ADGRE5: variants seen among roughly 807,000 people sequenced by gnomAD.
ADGRE5 encodes the protein CD97 molecule.
In ADGRE5, 72 loss-of-function variants were observed where a neutral mutation model predicts 100.3. The ratio of observed to expected loss-of-function variants is 0.72; its 90% CI spans 0.59 to 0.87. ADGRE5 has a LOEUF of 0.87. Ranked by LOEUF, ADGRE5 falls within the 40% of genes least tolerant of loss-of-function variation. The probability of loss-of-function intolerance (pLI) is 0.00; values close to 1 mark genes in which losing one functional copy is unlikely to be tolerated. For missense variants in ADGRE5, 959 were observed against 1,094.7 expected (o/e 0.88, Z 1.75); for synonymous variants, 439 against 447.8 (o/e 0.98, Z 0.25).
intron 3 of ADGRE5, 30 bp from the exon 4 acceptor site, chr19:14,390,894 G>A (rs758868261): frequency 3.7e-6 from 6 of 1,608,426 alleles, no homozygotes; most frequent in Non-Finnish European, 5.1e-6. Context: ...ACATCTTTGG[G>A]AGGTGACTCC....
intron 9 of ADGRE5, among the ~76,000 whole-genome samples, chr19:14,399,257 T>C (rs1242219703): frequency 6.6e-6 from 1 of 151,664 alleles, no homozygotes; most frequent in East Asian, 1.9e-4. Flanking sequence ...TGACACATGA[T>C]AAGCCTTATA....
chr19:14,385,832 G>A (rs558001238), intron 1 of ADGRE5, among the ~76,000 whole-genome samples: 8 of 150,974 alleles, frequency 5.3e-5, no homozygotes, highest in East Asian at 2.0e-4. Flanking sequence ...GTGCAGTGGC[G>A]TGATCTTGGC....
chr19:14,389,364 GGAGGGAGAC>G (rs1975508571), intron 3 of ADGRE5, among the ~76,000 whole-genome samples: 1 of 87,942 alleles, frequency 1.1e-5, no homozygotes, highest in Non-Finnish European at 2.2e-5. Context: ...AGGGGGATGA[GGAGGGAGAC>G]GGGGAAGGGG....
Position 14,408,076 on chromosome 19 carries a change from G to A in ADGRE5, c.2479-16G>A. ...CAGGGCTAGCGGGGCTCAGGCCTCT[G>A]GGCTCTCCTCTCCAGGCCCTCAGGG... On this transcript the variant is annotated splice_polypyrimidine_tract_variant and intron_variant, in intron 19 of 19. Coordinates refer to ENST00000242786, the MANE Select transcript of ADGRE5 (RefSeq NM_078481.4). 6.2e-7 allele frequency: 1 copy of A among 1,614,028 alleles called. No individual in the cohort carries two copies. The highest frequency in any genetic ancestry group is 8.5e-7 in the Non-Finnish European group (1 of 1,180,008).
chr19:14,387,007 T>A (rs1975381791), intron 1 of ADGRE5, among the ~76,000 whole-genome samples: 1 of 151,690 alleles, frequency 6.6e-6, no homozygotes, highest in Non-Finnish European at 1.5e-5. Flanking sequence ...AGAGAGAGAC[T>A]CTGTCTCAGA....
In ADGRE5 at chr19:14,402,598, C is replaced by T; in HGVS notation, c.1185C>T (p.Gly395=). 2 of 1,613,916 alleles carry T rather than the reference C, an allele frequency of 1.2e-6. No individual in the cohort carries two copies. Among genetic ancestry groups the T allele is most frequent in the Non-Finnish European group, 1.7e-6 (2 of 1,179,896 alleles). Residue 395 remains glycine (G), a splice_region_variant and synonymous_variant, in exon 12 of 20, where the codon GGC becomes GGT. Coordinates refer to ENST00000242786, the MANE Select transcript of ADGRE5 (RefSeq NM_078481.4). ...GCAGCGAGTGTGTCTGTTCCCCAGG[C>T]CCCGCCGTGGCGGGCATCCTCTCCA... ...WAVAAGAEDP[G]PAVAGILSIQ...
Position 14,402,752 on chromosome 19 carries a change from T to A in ADGRE5, c.1339T>A (p.Ser447Thr), listed in dbSNP as rs1377471964. 2.5e-6 allele frequency: 4 copies of A among 1,613,940 alleles called. No individual in the cohort carries two copies. The highest frequency in any genetic ancestry group is 3.4e-6 in the Non-Finnish European group (4 of 1,180,038). The change falls in exon 12 of 20, where the codon TCC (serine) becomes ACC (threonine). Residue 447 changes from serine (S) to threonine (T), a missense_variant. Physicochemically the swap from Ser to Thr is moderately conservative, Grantham distance 58. Transcript: ENST00000242786. ...VQLRRLSAVN[S>T]IFLSHNNTKE... ...ACTCAGACGCCTCTCTGCCGTCAAC[T>A]CCATCTTTCTGAGCCACAACAACAC...
At chr19:14,383,416 A>T (rs1975229873) in intron 1 of ADGRE5, among the ~76,000 whole-genome samples, 1 of 148,368 alleles carries the variant, frequency 6.7e-6, no homozygotes, top group Non-Finnish European at 1.5e-5. Context: ...GAGGTAGGAG[A>T]GTCTCTTGAA....
At chr19:14,393,128 G>A (rs1327468318) in intron 4 of ADGRE5, among the ~76,000 whole-genome samples, 4 of 151,094 alleles carry the variant, frequency 2.6e-5, no homozygotes, top group African/African-American at 9.7e-5. Context: ...GTGAACCCGG[G>A]AGGCGGAGGT....
At chr19:14,403,864 C>CTTTTTT (rs58411522) in intron 12 of ADGRE5, among the ~76,000 whole-genome samples, 5 of 74,262 alleles carry the variant, frequency 6.7e-5, no homozygotes, top group Non-Finnish European at 1.0e-4. Context: ...GCCTCTCCCA[C>CTTTTTT]TTTTTTTTTT....
At position 14,405,813 on chromosome 19, in the gene ADGRE5, C is replaced by T; in HGVS notation, c.1695C>T (p.Cys565=). 6.2e-7 allele frequency: 1 copy of T among 1,613,882 alleles called. No homozygotes were observed. The highest frequency in any genetic ancestry group is 8.5e-7 in the Non-Finnish European group (1 of 1,180,008). The part of the protein sequence containing the change: ...LALSLFCLLL[C]ILTFLLVRPI... ...TGTCACTCTTCTGCCTGCTGCTGTG[C>T]ATCCTCACTTTCCTGCTGGTGCGGC... Residue 565 remains cysteine, a synonymous_variant, in exon 14 of 20, where the codon TGC becomes TGT. Transcript: ENST00000242786.
At chr19:14,398,234 C>T in intron 9 of ADGRE5, 95 bp downstream of exon 9, 1 of 1,121,090 alleles carries the variant, frequency 8.9e-7, no homozygotes, top group Non-Finnish European at 1.3e-6. Context: ...CAAGCAGGGG[C>T]CTCTAGTCAG....
At chr19:14,393,145 G>A (rs1208841285) in intron 4 of ADGRE5, among the ~76,000 whole-genome samples, 2 of 151,302 alleles carry the variant, frequency 1.3e-5, no homozygotes, top group Non-Finnish European at 2.9e-5. Context: ...AGGTTGCAGT[G>A]AGCCGATATT....
At position 14,390,355 on chromosome 19, in the gene ADGRE5, ACT is replaced by A. The variant is rs1386411874; in HGVS notation, c.191-566_191-565del. ...TTTTTTTTTTTTGAGACAGAGTCTC[ACT>A]CTGTCACCCAGGCTGGAGTGCAGTG... On this transcript the variant is annotated intron_variant, in intron 3 of 19. Transcript: ENST00000242786. 4.3e-5 allele frequency among the ~76,000 whole-genome samples: 6 copies of A among 139,140 alleles called. No homozygotes were observed. In the East Asian group the frequency reaches 1.3e-3, roughly 29 times the overall value. The allele number at this position is 139,140 out of a possible 152,430, so 91.3% of individuals were successfully genotyped here. A position where few individuals can be genotyped will look rare whatever the true frequency, so the allele number is the denominator to read the frequency against.
chr19:14,408,484 G>A lies in ADGRE5; in HGVS notation c.*363G>A, dbSNP rs1452088158. On this transcript the variant is annotated 3_prime_UTR_variant, in exon 20 of 20. Transcript: ENST00000242786. ...GGACTTTTCCTCTCATGTCTTTGCTGCAGAACTGAAGAGACTAGGCGCTGG... is the reference window on the plus strand; with the variant it reads ...GGACTTTTCCTCTCATGTCTTTGCTACAGAACTGAAGAGACTAGGCGCTGG... 2 of 506,786 alleles carry A rather than the reference G, an allele frequency of 3.9e-6. No homozygotes were observed. The highest frequency in any genetic ancestry group is 7.1e-6 in the Non-Finnish European group (2 of 279,862). 31.4% of individuals were successfully genotyped at this position (506,786 alleles called of 1,614,324 possible).
At chr19:14,386,645 G>A (rs1384177042) in intron 1 of ADGRE5, among the ~76,000 whole-genome samples, 3 of 140,212 alleles carry the variant, frequency 2.1e-5, no homozygotes, top group Non-Finnish European at 3.0e-5. Flanking sequence ...AGTGAGCCAA[G>A]TTTGCACCAC....
rs371695389 is a variant in ADGRE5, at chr19:14,405,916, G to C, written c.1798G>C (p.Gly600Arg). 5.7e-5 allele frequency: 92 copies of C among 1,609,558 alleles called. No homozygotes were observed. Among genetic ancestry groups the C allele is most frequent in the Non-Finnish European group, 7.2e-5 (85 of 1,179,870 alleles). ...LFVGSTIFLA[G>R]IENEGGQVGL... ...CGTGGGCTCCACCATCTTCCTGGCC[G>C]GCATCGAGAACGAAGGCGGCCAGGT... Residue 600 changes from glycine (G) to arginine (R), a missense_variant, in exon 14 of 20, where the codon GGC (glycine) becomes CGC (arginine). Coordinates refer to ENST00000242786, the MANE Select transcript of ADGRE5 (RefSeq NM_078481.4).
Position 14,406,257 on chromosome 19 carries a change from C to G in ADGRE5, c.1822-74C>G. 1 of 1,208,420 alleles carries G rather than the reference C, an allele frequency of 8.3e-7. No individual in the cohort carries two copies. The highest frequency in any genetic ancestry group is 1.1e-6 in the Non-Finnish European group (1 of 873,522). 74.9% of individuals were successfully genotyped at this position (1,208,420 alleles called of 1,614,324 possible). On this transcript the variant is annotated intron_variant, in intron 14 of 19. Transcript: ENST00000242786. The surrounding 1 kb of genome is among the most constrained non-coding windows in gnomAD (Gnocchi z 6.0). Reference sequence around the variant, plus strand: ...GGTCCCGCCCACTCTCGGGACCTGGCAGGCGACTGGCTCTGGCGCCGCATG... The same window carrying G: ...GGTCCCGCCCACTCTCGGGACCTGGGAGGCGACTGGCTCTGGCGCCGCATG...
rs139622037 is a variant in ADGRE5, at chr19:14,397,157, C to T, written c.559C>T (p.Arg187Cys). Residue 187 changes from arginine (R) to cysteine (C), a missense_variant, in exon 6 of 20, where the codon CGC becomes TGC. Arg to Cys is a radical substitution (Grantham distance 180). This residue lies in a region of ADGRE5 where 83 missense variants were observed against 88.8 expected (regional missense o/e 0.93). Coordinates refer to ENST00000242786, the MANE Select transcript of ADGRE5 (RefSeq NM_078481.4). ...CLNNVGSYQC[R>C]CRPGWQPIPG... ...CAACAACGTGGGCAGCTATCAGTGC[C>T]GCTGCCGCCCGGGCTGGCAACCGAT... is the stretch of plus-strand genomic sequence containing the variant. 144 of 1,614,120 alleles carry T rather than the reference C, an allele frequency of 8.9e-5. No individual in the cohort carries two copies. Among genetic ancestry groups the T allele is most frequent in the African/African-American group, 4.4e-4 (33 of 75,020 alleles).
Sources: allele counts gnomAD v4.1 joint callset (sites outside exome capture counted in the v4.1 genomes callset), GRCh38; gene constraint gnomAD v4.1.1; regional missense constraint gnomAD v4.1.1; non-coding constraint Gnocchi (gnomAD v3.1); transcripts MANE v1.5; gene names NCBI Gene and HGNC (gene_info 2026-07-23, HGNC 2026-07-21).